Variants in PTK2 observed in about 807,000 individuals in gnomAD.
PTK2 encodes the protein protein tyrosine kinase 2, also known as focal adhesion kinase 1.
A neutral mutation model predicts 150.1 loss-of-function variants in PTK2; 45 were observed. The ratio of observed to expected loss-of-function variants is 0.30; its 90% CI spans 0.24 to 0.38. The LOEUF is 0.38. Among genes scored for constraint, PTK2 ranks in the 10% least tolerant of loss-of-function variants. The pLI, the probability that PTK2 is intolerant of heterozygous loss-of-function variation, is 1.00. For missense variants in PTK2, 919 were observed against 1,307.3 expected, an observed-to-expected ratio of 0.70 and a Z score of 4.58; for synonymous variants, 432 against 449.2, an observed-to-expected ratio of 0.96 and a Z score of 0.48.
chr8:140,738,478 G>A (rs1337765358), intron 21 of PTK2, among the ~76,000 whole-genome samples: 1 of 152,204 alleles, frequency 6.6e-6, no homozygotes, highest in Non-Finnish European at 1.5e-5. Flanking sequence ...GGAGAATGAT[G>A]ACCTTGCAGC....
intron 1 of PTK2, among the ~76,000 whole-genome samples, chr8:140,999,197 G>A (rs2100199026): frequency 6.6e-6 from 1 of 152,126 alleles, no homozygotes; most frequent in African/African-American, 2.4e-5. Context: ...CCAATGACTT[G>A]CTTCTTGATG....
chr8:140,706,053 AC>A, intron 24 of PTK2, 65 bp downstream of exon 27: 3 of 1,300,440 alleles, frequency 2.3e-6, no homozygotes, highest in Non-Finnish European at 3.3e-6. Context: ...TGCACAATGT[AC>A]CGCTCTACCC....
chr8:140,708,785 G>A (rs539573746), intron 23 of PTK2, among the ~76,000 whole-genome samples: 1 of 152,128 alleles, frequency 6.6e-6, no homozygotes, highest in East Asian at 1.9e-4. Context: ...AAAAGAGTTC[G>A]GCTACCTTGG....
chr8:140,878,029 G>C (rs2100146725), intron 4 of PTK2, among the ~76,000 whole-genome samples: 1 of 152,082 alleles, frequency 6.6e-6, no homozygotes, highest in Non-Finnish European at 1.5e-5. Context: ...ACCAGCCCAA[G>C]CAACACAGCA....
intron 22 of PTK2, among the ~76,000 whole-genome samples, chr8:140,732,165 C>T (rs1265871615): frequency 4.6e-5 from 7 of 152,072 alleles, no homozygotes; most frequent in Admixed American, 4.6e-4. Flanking sequence ...TATTGTGATA[C>T]ACTGTTATAT....
intron 7 of PTK2, among the ~76,000 whole-genome samples, chr8:140,844,993 C>A (rs1311649708): frequency 6.6e-6 from 1 of 152,018 alleles, no homozygotes; most frequent in Non-Finnish European, 1.5e-5. Context: ...CCTCCCTGTC[C>A]CTAATTCAAA....
chr8:140,695,722 T>G (rs1403144568), intron 26 of PTK2, among the ~76,000 whole-genome samples: 1 of 152,152 alleles, frequency 6.6e-6, no homozygotes, highest in South Asian at 2.1e-4. Context: ...CTTTCTGAGA[T>G]GCCATCTGCT....
chr8:140,971,043 G>A (rs537047239), intron 1 of PTK2, among the ~76,000 whole-genome samples: 22 of 152,278 alleles, frequency 1.4e-4, no homozygotes, highest in African/African-American at 5.1e-4. Context: ...TGTTGACGTT[G>A]CTCAACTGTT....
At chr8:140,828,505 C>T (rs1484894978) in intron 8 of PTK2, among the ~76,000 whole-genome samples, 1 of 152,142 alleles carries the variant, frequency 6.6e-6, no homozygotes, top group Non-Finnish European at 1.5e-5. Context: ...TGTTTATACA[C>T]ATACAGATTT....
intron 5 of PTK2, among the ~76,000 whole-genome samples, chr8:140,854,497 G>A (rs1219926950): frequency 3.3e-5 from 5 of 152,096 alleles, no homozygotes; most frequent in East Asian, 1.9e-4. Context: ...ATTTGATTCC[G>A]GGGTAAAACA....
At chr8:140,708,254 A>C (rs2100034880) in intron 23 of PTK2, among the ~76,000 whole-genome samples, 1 of 152,156 alleles carries the variant, frequency 6.6e-6, no homozygotes, top group Admixed American at 6.5e-5. Flanking sequence ...GCTTTGCTCT[A>C]GTTAGGTCCG....
At chr8:140,730,174 G>A (rs1356239801) in intron 22 of PTK2, among the ~76,000 whole-genome samples, 2 of 146,244 alleles carry the variant, frequency 1.4e-5, no homozygotes, top group Non-Finnish European at 3.0e-5. Context: ...CTTGAGACTG[G>A]TGTTCTTTAG....
intron 26 of PTK2, among the ~76,000 whole-genome samples, chr8:140,689,045 AC>A (rs1268402898): frequency 6.6e-6 from 1 of 152,164 alleles, no homozygotes; most frequent in African/African-American, 2.4e-5. Context: ...GTAGTTCCTG[AC>A]TTCTAGGATA....
intron 19 of PTK2, 92 bp from the exon 23 acceptor site, chr8:140,743,422 AAGAC>A: frequency 1.1e-6 from 1 of 870,436 alleles, no homozygotes; most frequent in East Asian, 2.5e-5. Flanking sequence ...GGCACTTTGA[AAGAC>A]AGCTTATATA....
At chr8:140,998,216 T>A (rs946689907) in intron 1 of PTK2, among the ~76,000 whole-genome samples, 5 of 152,336 alleles carry the variant, frequency 3.3e-5, no homozygotes, top group African/African-American at 1.2e-4. Context: ...TAAATCTACA[T>A]CAGTTTAGAA....
chr8:140,686,499 A>T, intron 27 of PTK2, 133 bp downstream of exon 30: 1 of 814,846 alleles, frequency 1.2e-6, no homozygotes, highest in Non-Finnish European at 2.0e-6. Context: ...TCATAATCTT[A>T]AAATGTTAAC....
At chr8:140,898,144 GA>G (rs1245258991) in intron 2 of PTK2, among the ~76,000 whole-genome samples, 1 of 152,026 alleles carries the variant, frequency 6.6e-6, no homozygotes, top group African/African-American at 2.4e-5. Context: ...GGAATTTCTA[GA>G]AAAAAGAAGT....
At chr8:140,669,301 G>GTATGTATGTATATATATATA (rs547959878) in intron 29 of PTK2, 3 of 97,984 alleles carry the variant, frequency 3.1e-5, no homozygotes, top group African/African-American at 1.4e-4. Context: ...GCATAAAATG[G>GTATGTATGTATATATATATA]TATATATATA....
chr8:140,864,548 A>T, intron 4 of PTK2, 149 bp from the exon 5 acceptor site: 2 of 483,830 alleles, frequency 4.1e-6, no homozygotes, highest in Non-Finnish European at 7.2e-6. Context: ...TTTAAATGTA[A>T]TTTTTAAACA....
Sources: gnomAD v4.1 joint callset for allele counts (sites outside exome capture counted in the v4.1 genomes callset) on GRCh38, gnomAD v4.1.1 for gene constraint, MANE v1.5 for transcripts, NCBI Gene and HGNC (gene_info 2026-07-23, HGNC 2026-07-21) for gene names.